RIN2: variants seen among roughly 807,000 people sequenced by gnomAD.
RIN2 encodes Ras and Rab interactor 2.
RIN2 carries 36 observed loss-of-function variants against 78.0 expected under a neutral mutation model. The observed-to-expected ratio is 0.46, with a 90% CI of 0.35 to 0.61. RIN2 has a LOEUF of 0.61. Among genes scored for constraint, RIN2 ranks in the 20% least tolerant of loss-of-function variants. The pLI is 0.00. For synonymous variants in RIN2, 466 were observed against 466.8 expected (o/e 1.00, Z 0.02); for missense variants, 1,087 against 1,159.7 (o/e 0.94, Z 0.91).
At chr20:19,897,662 C>A (rs992444892) in intron 3 of RIN2, among the ~76,000 whole-genome samples, 1 of 152,068 alleles carries the variant, frequency 6.6e-6, no homozygotes, top group African/African-American at 2.4e-5. Flanking sequence ...CCAGAAAACT[C>A]CATCTGAAGA....
rs938751170 is a variant in RIN2 at position 19,874,839 on chromosome 20, A to G, written c.-36-14727A>G. On this transcript the variant is annotated intron_variant, in intron 2 of 12. Transcript: ENST00000255006. The stretch of plus-strand genomic sequence containing the variant: ...GGAATATAGATACACTTTTATTTTT[A>G]AAATTATTTTATTTTATTTTATTTT... Among the ~76,000 whole-genome samples the G allele has an allele frequency of 1.2e-3, 162 of 139,860 alleles. 1 individual carries two copies. Among genetic ancestry groups the G allele is most frequent in the Non-Finnish European group, 2.0e-3 (129 of 64,120 alleles). The allele number at this position is 139,860 out of a possible 152,430, so 91.8% of individuals were successfully genotyped here. A position where few individuals can be genotyped will look rare whatever the true frequency, so the allele number is the denominator to read the frequency against.
intron 1 of RIN2, among the ~76,000 whole-genome samples, chr20:19,772,410 C>A (rs2034162675): frequency 1.3e-5 from 2 of 152,224 alleles, no homozygotes; most frequent in Non-Finnish European, 2.9e-5. Flanking sequence ...GTTTTCAAAT[C>A]CAGTGGTCAG....
At chr20:19,886,646 A>G (rs1275093227) in intron 2 of RIN2, 6 of 810,276 alleles carry the variant, frequency 7.4e-6, no homozygotes, top group Non-Finnish European at 9.2e-6. Context: ...GCTTTTAGCT[A>G]GTATCTGGAA....
At chr20:19,895,123 A>G (rs749088815) in intron 3 of RIN2, among the ~76,000 whole-genome samples, 1 of 152,124 alleles carries the variant, frequency 6.6e-6, no homozygotes, top group Non-Finnish European at 1.5e-5. Flanking sequence ...CACTGACAAC[A>G]GAGCTCACAT....
At chr20:19,761,670 C>T (rs2033646682) in intron 1 of RIN2, among the ~76,000 whole-genome samples, 2 of 152,166 alleles carry the variant, frequency 1.3e-5, no homozygotes, top group African/African-American at 4.8e-5. Flanking sequence ...AATGTATATT[C>T]TGGACACTAG....
chr20:19,886,612 C>T lies in RIN2; in HGVS notation c.-36-2954C>T, dbSNP rs6112633. The T allele has an allele frequency of 3.6e-3, 1,887 of 520,732 alleles. 62 individuals are homozygous for T. The African/African-American group carries it at 0.046, about 13-fold the overall frequency. The allele number at this position is 520,732 out of a possible 1,614,324, so 32.3% of individuals were successfully genotyped here. A position where few individuals can be genotyped will look rare whatever the true frequency, so the allele number is the denominator to read the frequency against. Reference sequence around the variant, plus strand: ...GGGCTGCCTTCTTCTTCTTCTTCTTCTTTTTTTTTTTTTTTTTTTGCTAGC... The same window carrying T: ...GGGCTGCCTTCTTCTTCTTCTTCTTTTTTTTTTTTTTTTTTTTTTGCTAGC... On this transcript the variant is annotated intron_variant, in intron 2 of 12. Transcript: ENST00000255006.
chr20:19,868,696 G>A (rs912314835), intron 2 of RIN2, among the ~76,000 whole-genome samples: 5 of 152,158 alleles, frequency 3.3e-5, no homozygotes, highest in African/African-American at 1.2e-4. Context: ...GGACCTTGGG[G>A]ACCCAGAAAG....
At chr20:19,761,922 G>A (rs1218446485) in intron 1 of RIN2, among the ~76,000 whole-genome samples, 2 of 152,180 alleles carry the variant, frequency 1.3e-5, no homozygotes, top group Admixed American at 6.5e-5. Flanking sequence ...TAGATGGGGT[G>A]GCAACTTCAG....
At chr20:19,796,023 C>T (rs73901296) in intron 1 of RIN2, among the ~76,000 whole-genome samples, 355 of 148,848 alleles carry the variant, frequency 2.4e-3, no homozygotes, top group African/African-American at 8.5e-3. Context: ...CAGAATGAAG[C>T]TGTCTAAAAA....
chr20:19,918,247 A>G (rs926543849), intron 3 of RIN2, among the ~76,000 whole-genome samples: 1 of 143,410 alleles, frequency 7.0e-6, no homozygotes, highest in African/African-American at 2.6e-5. Context: ...CAGAAAGGTT[A>G]AGCAACCTCC....
At chr20:19,939,959 T>C (rs1331888553) in intron 4 of RIN2, among the ~76,000 whole-genome samples, 1 of 152,012 alleles carries the variant, frequency 6.6e-6, no homozygotes, top group Non-Finnish European at 1.5e-5. Context: ...GTTCAAGCAA[T>C]TCTTATGCCT....
At chr20:19,812,674 C>CA (rs1271801902) in intron 2 of RIN2, among the ~76,000 whole-genome samples, 1 of 152,194 alleles carries the variant, frequency 6.6e-6, no homozygotes, top group East Asian at 1.9e-4. Flanking sequence ...CACACTGCAG[C>CA]ACCCCCCCAT....
At chr20:19,896,843 T>C (rs1183390153) in intron 3 of RIN2, among the ~76,000 whole-genome samples, 1 of 152,174 alleles carries the variant, frequency 6.6e-6, no homozygotes, top group African/African-American at 2.4e-5. Flanking sequence ...TTTAAAACTT[T>C]AAAAGGAAAA....
At position 19,893,599 on chromosome 20, in the gene RIN2, C is replaced by T. The variant is rs77272181; in HGVS notation, c.57+3941C>T. ...TGGAGGACATGAGGTGCGTGGATAACACACAGATTATCTGAGCATTCTGGG... is the reference window on the plus strand; with the variant it reads ...TGGAGGACATGAGGTGCGTGGATAATACACAGATTATCTGAGCATTCTGGG... On this transcript the variant is annotated intron_variant, in intron 3 of 12. Coordinates refer to ENST00000255006, the MANE Select transcript of RIN2 (RefSeq NM_018993.4). 9.0e-4 allele frequency among the ~76,000 whole-genome samples: 137 copies of T among 152,258 alleles called. 1 individual carries two copies. Among genetic ancestry groups the T allele is most frequent in the African/African-American group, 3.2e-3 (135 of 41,556 alleles).
chr20:19,842,208 G>GTTTTT (rs760874785), intron 2 of RIN2, among the ~76,000 whole-genome samples: 2 of 66,794 alleles, frequency 3.0e-5, no homozygotes, highest in Admixed American at 3.4e-4. Flanking sequence ...TTGTTTCTTT[G>GTTTTT]TTTTTTTTGT....
intron 1 of RIN2, among the ~76,000 whole-genome samples, chr20:19,776,974 CAT>C (rs1157601661): frequency 1.1e-4 from 17 of 152,174 alleles, no homozygotes; most frequent in African/African-American, 2.9e-4. Flanking sequence ...ACTGATCACT[CAT>C]ATTTGGCTCA....
chr20:19,840,246 G>A (rs2036541122), intron 2 of RIN2, among the ~76,000 whole-genome samples: 1 of 152,144 alleles, frequency 6.6e-6, no homozygotes, highest in Non-Finnish European at 1.5e-5. Context: ...AGTGGAAGTG[G>A]GTGAGTCTGG....
At chr20:19,913,049 T>G (rs1383550552) in intron 3 of RIN2, among the ~76,000 whole-genome samples, 1 of 152,212 alleles carries the variant, frequency 6.6e-6, no homozygotes, top group Non-Finnish European at 1.5e-5. Flanking sequence ...TACTGTCATT[T>G]TCTTGGAGGA....
At chr20:19,930,630 G>A (rs536933683) in intron 3 of RIN2, among the ~76,000 whole-genome samples, 25 of 152,268 alleles carry the variant, frequency 1.6e-4, no homozygotes, top group African/African-American at 5.1e-4. Context: ...GGCTGTGGCC[G>A]GCCCTCCCTC....
Sources: gnomAD v4.1 joint callset for allele counts (sites outside exome capture counted in the v4.1 genomes callset) on GRCh38, gnomAD v4.1.1 for gene constraint, MANE v1.5 for transcripts, NCBI Gene and HGNC (gene_info 2026-07-23, HGNC 2026-07-21) for gene names.